TBC1D15: variants seen among roughly 807,000 people sequenced by gnomAD.
TBC1D15 encodes the protein GAP for RAB7.
TBC1D15 carries 39 observed loss-of-function variants against 95.4 expected under a neutral mutation model. That is an observed-to-expected ratio of 0.41 (90% confidence interval 0.32 to 0.53). TBC1D15 has a LOEUF of 0.53. Among genes scored for constraint, TBC1D15 ranks in the 20% least tolerant of loss-of-function variants. The pLI is 0.29. For synonymous variants in TBC1D15, 258 were observed against 261.3 expected, an observed-to-expected ratio of 0.99 and a Z score of 0.12; for missense variants, 733 against 794.3, an observed-to-expected ratio of 0.92 and a Z score of 0.93.
chr12:71,846,012 G>A (rs1212249647), intron 1 of TBC1D15, among the ~76,000 whole-genome samples: 1 of 152,144 alleles, frequency 6.6e-6, no homozygotes, highest in East Asian at 1.9e-4. Context: ...CAGGAAGGAT[G>A]TTCTTGAGTT....
At chr12:71,912,745 C>T (rs567987943) in intron 11 of TBC1D15, among the ~76,000 whole-genome samples, 3 of 152,090 alleles carry the variant, frequency 2.0e-5, no homozygotes, top group South Asian at 2.1e-4. Flanking sequence ...ACTTTGGATT[C>T]GCAAATGAAA....
intron 2 of TBC1D15, 143 bp from the exon 3 acceptor site, chr12:71,872,786 C>A: frequency 1.9e-6 from 1 of 530,858 alleles, no homozygotes; most frequent in Non-Finnish European, 3.2e-6. Context: ...ATCTATGTAA[C>A]ATTTTTGATT....
At chr12:71,882,791 A>C (rs1181143266) in intron 4 of TBC1D15, among the ~76,000 whole-genome samples, 2 of 152,176 alleles carry the variant, frequency 1.3e-5, no homozygotes, top group Non-Finnish European at 2.9e-5. Flanking sequence ...AACAAGATAA[A>C]GTTCCTGTTC....
At chr12:71,917,589 G>A in intron 12 of TBC1D15, 109 bp from the exon 13 acceptor site, 1 of 604,822 alleles carries the variant, frequency 1.7e-6, no homozygotes, top group Non-Finnish European at 2.7e-6. Flanking sequence ...GATTACCAGT[G>A]TGGTATAAGT....
intron 1 of TBC1D15, among the ~76,000 whole-genome samples, chr12:71,861,651 C>T (rs1890395846): frequency 6.6e-6 from 1 of 151,618 alleles, no homozygotes; most frequent in African/African-American, 2.4e-5. Flanking sequence ...AATAAGTCAA[C>T]TTTGTTCTGT....
intron 10 of TBC1D15, among the ~76,000 whole-genome samples, chr12:71,905,217 G>A (rs1236276694): frequency 1.3e-5 from 2 of 152,004 alleles, no homozygotes; most frequent in African/African-American, 2.4e-5. Context: ...TTTAAAATAC[G>A]TATTAAGGCA....
chr12:71,921,995 C>G (rs1298013791), intron 16 of TBC1D15, among the ~76,000 whole-genome samples: 1 of 152,144 alleles, frequency 6.6e-6, no homozygotes, highest in Non-Finnish European at 1.5e-5. Flanking sequence ...CCCAAGCTGG[C>G]CTTGAACTCC....
Position 71,885,034 on chromosome 12 carries a change from T to G in TBC1D15, c.554+13T>G, listed in dbSNP as rs369961626. 1 of 1,611,010 alleles carries G rather than the reference T, an allele frequency of 6.2e-7. No individual in the cohort carries two copies. Among genetic ancestry groups the G allele is most frequent in the South Asian group, 1.1e-5 (1 of 90,994 alleles). On this transcript the variant is annotated intron_variant, in intron 5 of 16. Coordinates refer to ENST00000485960, the MANE Select transcript of TBC1D15 (RefSeq NM_001146213.3). The stretch of plus-strand genomic sequence containing the variant: ...TGGTATTGTGTGAGTAAGTATCATA[T>G]TATTTTCTACTTATTGAAACCAGAT...
chr12:71,890,169 T>C (rs1217835624), intron 5 of TBC1D15, among the ~76,000 whole-genome samples: 1 of 152,220 alleles, frequency 6.6e-6, no homozygotes, highest in Non-Finnish European at 1.5e-5. Context: ...ATTTTTAAGT[T>C]AAAGTTCAAA....
chr12:71,886,188 A>ACCTT (rs762849161), intron 5 of TBC1D15, among the ~76,000 whole-genome samples: 11 of 152,000 alleles, frequency 7.2e-5, no homozygotes, highest in Middle Eastern at 3.4e-3. Context: ...ATGATTGCTA[A>ACCTT]CCTTCCTTCC....
At chr12:71,903,278 A>G (rs1566048137) in intron 10 of TBC1D15, among the ~76,000 whole-genome samples, 2 of 152,196 alleles carry the variant, frequency 1.3e-5, no homozygotes, top group Non-Finnish European at 1.5e-5. Flanking sequence ...GCTCAATATT[A>G]CTAGTCATTA....
intron 1 of TBC1D15, among the ~76,000 whole-genome samples, chr12:71,852,201 C>T (rs532990025): frequency 6.6e-6 from 1 of 152,208 alleles, no homozygotes; most frequent in South Asian, 2.1e-4. Flanking sequence ...GCAGCCTGAG[C>T]TTTACCTGGG....
chr12:71,916,398 T>A (rs764992088), intron 12 of TBC1D15, among the ~76,000 whole-genome samples: 3 of 152,186 alleles, frequency 2.0e-5, no homozygotes, highest in African/African-American at 4.8e-5. Flanking sequence ...ATCCTGTTAA[T>A]CAGAGTTGAT....
chr12:71,889,180 T>C (rs978116863), intron 5 of TBC1D15, among the ~76,000 whole-genome samples: 2 of 152,198 alleles, frequency 1.3e-5, no homozygotes, highest in African/African-American at 4.8e-5. Context: ...TTGTACACTT[T>C]GTTCTCTTCT....
intron 3 of TBC1D15, among the ~76,000 whole-genome samples, chr12:71,879,279 T>A (rs533100114): frequency 2.0e-5 from 3 of 152,200 alleles, no homozygotes; most frequent in African/African-American, 7.2e-5. Context: ...ATTACAGGAA[T>A]GTACCACCAT....
Position 71,880,538 on chromosome 12 carries a change from A to C in TBC1D15, c.274A>C (p.Asn92His), listed in dbSNP as rs145985044. The C allele has an allele frequency of 1.1e-5, 18 of 1,613,598 alleles. No homozygotes were observed. In the African/African-American group the frequency reaches 2.3e-4, roughly 20 times the overall value. Residue 92 changes from asparagine to histidine, a missense_variant, in exon 4 of 17, where the codon AAC becomes CAC. Physicochemically the swap from Asn to His is moderately conservative, Grantham distance 68. Coordinates refer to ENST00000485960, the MANE Select transcript of TBC1D15 (RefSeq NM_001146213.3). ...AGGTCATCGAGGATCAGAACATCTG[A>C]ACAGTTACGAAGCAGAATGGGACAT... is the stretch of plus-strand genomic sequence containing the variant. Reference protein sequence around the residue: ...ERGHRGSEHLNSYEAEWDMVN... With the variant: ...ERGHRGSEHLHSYEAEWDMVN...
chr12:71,882,035 A>G (rs1489593498), intron 4 of TBC1D15, among the ~76,000 whole-genome samples: 3 of 150,342 alleles, frequency 2.0e-5, no homozygotes, highest in Non-Finnish European at 1.5e-5. Context: ...TTTTAAATGT[A>G]TTTCATTACG....
Position 71,893,215 on chromosome 12 carries a change from A to G in TBC1D15, c.555-7A>G. 6.5e-7 allele frequency: 1 copy of G among 1,542,506 alleles called. No homozygotes were observed. The highest frequency in any genetic ancestry group is 1.9e-5 in the Admixed American group (1 of 52,614). The stretch of plus-strand genomic sequence containing the variant: ...GTATTTTCTACAAATCCTCTTTTTT[A>G]TTATAGATCTCCACAGGATAAAAGA... On this transcript the variant is annotated splice_region_variant and splice_polypyrimidine_tract_variant and intron_variant, in intron 5 of 16. Coordinates refer to ENST00000485960, the MANE Select transcript of TBC1D15 (RefSeq NM_001146213.3).
chr12:71,880,290 C>T (rs1894866087), intron 3 of TBC1D15, among the ~76,000 whole-genome samples, 179 bp from the exon 4 acceptor site: 1 of 142,302 alleles, frequency 7.0e-6, no homozygotes. Context: ...AGCTTCTCTT[C>T]CTTTTTTTTT....
Sources: allele counts gnomAD v4.1 joint callset (sites outside exome capture counted in the v4.1 genomes callset), GRCh38; gene constraint gnomAD v4.1.1; transcripts MANE v1.5; gene names NCBI Gene and HGNC (gene_info 2026-07-23, HGNC 2026-07-21).